The following HS6ST3 variants were observed in gnomAD, a reference collection of about 807,000 sequenced individuals.
HS6ST3 encodes heparan sulfate 6-O-sulfotransferase 3.
In HS6ST3, 12 loss-of-function variants were observed where a neutral mutation model predicts 36.7. The ratio of observed to expected loss-of-function variants is 0.33; its 90% CI spans 0.21 to 0.53. The LOEUF (loss-of-function observed/expected upper bound fraction) is 0.53. HS6ST3 is among the 20% of genes least tolerant of loss of function. The pLI, the probability that HS6ST3 is intolerant of heterozygous loss-of-function variation, is 0.95. For missense variants in HS6ST3, 584 were observed against 640.9 expected (o/e 0.91, Z 0.96); for synonymous variants, 240 against 257.5 (o/e 0.93, Z 0.65).
chr13:96,547,787 C>T (rs2056203115), intron 1 of HS6ST3, among the ~76,000 whole-genome samples: 1 of 152,004 alleles, frequency 6.6e-6, no homozygotes, highest in Admixed American at 6.6e-5. Context: ...GGGGAAGGTT[C>T]CAGTTTTAGT....
chr13:96,424,842 A>C (rs1216102531), intron 1 of HS6ST3, among the ~76,000 whole-genome samples: 1 of 152,210 alleles, frequency 6.6e-6, no homozygotes, highest in East Asian at 1.9e-4. Context: ...AACATAATTC[A>C]TGCTGGTATA....
intron 1 of HS6ST3, among the ~76,000 whole-genome samples, chr13:96,515,024 T>C (rs2056066718): frequency 6.6e-6 from 1 of 152,204 alleles, no homozygotes. Flanking sequence ...AAAAACAAAG[T>C]GTCTTCTCTG....
At chr13:96,809,992 G>A (rs1384153312) in intron 1 of HS6ST3, among the ~76,000 whole-genome samples, 1 of 152,182 alleles carries the variant, frequency 6.6e-6, no homozygotes, top group Non-Finnish European at 1.5e-5. Context: ...AAGAATGCTA[G>A]CACCAGGGTA....
intron 1 of HS6ST3, among the ~76,000 whole-genome samples, chr13:96,285,589 T>C (rs572623390): frequency 2.0e-5 from 3 of 152,186 alleles, no homozygotes; most frequent in Non-Finnish European, 4.4e-5. Context: ...ACACAATATT[T>C]ACCGTTACTC....
chr13:96,335,229 C>T (rs1038453533), intron 1 of HS6ST3, among the ~76,000 whole-genome samples: 8 of 152,250 alleles, frequency 5.3e-5, no homozygotes, highest in African/African-American at 7.2e-5. Context: ...AAGGTAGAAA[C>T]GACATCCAAT....
Position 96,738,332 on chromosome 13 carries a change from T to C in HS6ST3, c.708-94158T>C, listed in dbSNP as rs544646356. Among the ~76,000 whole-genome samples, 42 of 152,166 alleles carry C rather than the reference T, an allele frequency of 2.8e-4. No homozygotes were observed. The South Asian group carries it at 6.2e-3, about 23-fold the overall frequency. ...CCCACACATGCTAAGGATGATTGTA[T>C]GTACAAGGTTATTGACTGCAGTAAC... On this transcript the variant is annotated intron_variant, in intron 1 of 1. Coordinates refer to ENST00000376705, the MANE Select transcript of HS6ST3 (RefSeq NM_153456.4).
chr13:96,418,535 C>T (rs1437652660), intron 1 of HS6ST3, among the ~76,000 whole-genome samples: 1 of 152,136 alleles, frequency 6.6e-6, no homozygotes, highest in Non-Finnish European at 1.5e-5. Context: ...GCAAGATAAG[C>T]CCTGTCTCCT....
chr13:96,790,738 G>A (rs1020618541), intron 1 of HS6ST3, among the ~76,000 whole-genome samples: 3 of 151,858 alleles, frequency 2.0e-5, no homozygotes, highest in African/African-American at 4.8e-5. Context: ...ACACATTCTC[G>A]GATCCTGTGC....
At chr13:96,202,751 T>A (rs1358373061) in intron 1 of HS6ST3, among the ~76,000 whole-genome samples, 1 of 152,168 alleles carries the variant, frequency 6.6e-6, no homozygotes, top group African/African-American at 2.4e-5. Flanking sequence ...CCTGCTGAGA[T>A]TCACTGGGGA....
chr13:96,162,553 G>A (rs1404457776), intron 1 of HS6ST3, among the ~76,000 whole-genome samples: 1 of 152,208 alleles, frequency 6.6e-6, no homozygotes, highest in African/African-American at 2.4e-5. Context: ...CAGAAGGGAG[G>A]TAGGGAAGAG....
chr13:96,448,023 C>G (rs1195757963), intron 1 of HS6ST3, among the ~76,000 whole-genome samples: 1 of 152,198 alleles, frequency 6.6e-6, no homozygotes, highest in Non-Finnish European at 1.5e-5. Context: ...TGGTGCTCTT[C>G]TTCCTAATCA....
At chr13:96,553,172 G>C (rs1163510387) in intron 1 of HS6ST3, among the ~76,000 whole-genome samples, 1 of 152,174 alleles carries the variant, frequency 6.6e-6, no homozygotes, top group Non-Finnish European at 1.5e-5. Context: ...TCTTTTCTCA[G>C]TTCTACATTG....
chr13:96,746,236 TTGCATTGAGGAATTGAAAGCTTAAAA>T (rs1212945964), intron 1 of HS6ST3, among the ~76,000 whole-genome samples: 2 of 152,094 alleles, frequency 1.3e-5, no homozygotes, highest in East Asian at 3.9e-4. Context: ...AATTCCAGTT[TTGCATTGAGGAATTGAAAGCTTAAAA>T]AGGTTAAGTA....
At chr13:96,802,743 T>C (rs879674411) in intron 1 of HS6ST3, among the ~76,000 whole-genome samples, 7 of 152,176 alleles carry the variant, frequency 4.6e-5, no homozygotes, top group Non-Finnish European at 1.0e-4. Context: ...CATCTTTCAG[T>C]AAATTCCCCT....
At position 96,839,105 on chromosome 13, in the gene HS6ST3, A is replaced by G. The variant is rs1879007726; in HGVS notation, c.*5907A>G. On this transcript the variant is annotated 3_prime_UTR_variant, in exon 2 of 2. Transcript: ENST00000376705. ...AAGGGCCAGATTGACATCTTGCCAGAAAAACCAGTGTTTTGAGGAGCAAAA... is the reference window on the plus strand; with the variant it reads ...AAGGGCCAGATTGACATCTTGCCAGGAAAACCAGTGTTTTGAGGAGCAAAA... The G allele has an allele frequency of 6.6e-6, 1 of 152,254 alleles. No homozygotes were observed. 9.4% of individuals were successfully genotyped at this position (152,254 alleles called of 1,614,324 possible). A position where few individuals can be genotyped will look rare whatever the true frequency, so the allele number is the denominator to read the frequency against.
intron 1 of HS6ST3, among the ~76,000 whole-genome samples, chr13:96,390,748 T>G (rs1402355518): frequency 6.6e-6 from 1 of 152,174 alleles, no homozygotes; most frequent in African/African-American, 2.4e-5. Flanking sequence ...CCTTCCTTAC[T>G]CTTTCTGGGC....
intron 1 of HS6ST3, among the ~76,000 whole-genome samples, chr13:96,757,257 A>G (rs1448584166): frequency 1.3e-5 from 2 of 152,184 alleles, no homozygotes; most frequent in African/African-American, 4.8e-5. Context: ...AATATTTGAC[A>G]TATTCTATTA....
At chr13:96,403,560 T>G (rs900720040) in intron 1 of HS6ST3, among the ~76,000 whole-genome samples, 3 of 152,182 alleles carry the variant, frequency 2.0e-5, no homozygotes, top group Admixed American at 2.0e-4. Context: ...ATCATTTCCT[T>G]CCTATACTTG....
intron 1 of HS6ST3, among the ~76,000 whole-genome samples, chr13:96,818,993 A>C (rs1437861753): frequency 6.6e-6 from 1 of 152,136 alleles, no homozygotes; most frequent in African/African-American, 2.4e-5. Context: ...TAGATTCATG[A>C]GCTTATGGGA....
Sources: allele counts gnomAD v4.1 joint callset (sites outside exome capture counted in the v4.1 genomes callset), GRCh38; gene constraint gnomAD v4.1.1; transcripts MANE v1.5; gene names NCBI Gene and HGNC (gene_info 2026-07-23, HGNC 2026-07-21).